The following ERLEC1 variants were observed in gnomAD, a reference collection of about 807,000 sequenced individuals.
ERLEC1 encodes the protein ER lectin.
A neutral mutation model predicts 68.0 loss-of-function variants in ERLEC1; 47 were observed. The observed-to-expected ratio is 0.69, with a 90% confidence interval of 0.55 to 0.88. The LOEUF is 0.88. Among genes scored for constraint, ERLEC1 ranks in the 40% least tolerant of loss-of-function variants. ERLEC1 has a pLI of 0.00. For synonymous variants in ERLEC1, 225 were observed against 203.2 expected (o/e 1.11, Z -0.91); for missense variants, 567 against 583.8 (o/e 0.97, Z 0.30).
At chr2:53,804,264 TG>T (rs1376116025) in intron 8 of ERLEC1, among the ~76,000 whole-genome samples, 1 of 152,142 alleles carries the variant, frequency 6.6e-6, no homozygotes, top group Non-Finnish European at 1.5e-5. Context: ...TTGTTGTTGT[TG>T]TTTTTGAGAC....
chr2:53,807,835 C>T (rs1182342054), intron 8 of ERLEC1, among the ~76,000 whole-genome samples: 1 of 150,344 alleles, frequency 6.7e-6, no homozygotes, highest in Non-Finnish European at 1.5e-5. Flanking sequence ...GAAAGCCCAT[C>T]TGTACTGAAA....
At position 53,794,406 on chromosome 2, in the gene ERLEC1, A is replaced by G; in HGVS notation, c.224A>G (p.Glu75Gly). Residue 75 changes from glutamate (E) to glycine (G), a missense_variant, in exon 2 of 14, where the codon GAA (glutamate) becomes GGA (glycine). Physicochemically the swap from Glu to Gly is moderately conservative, Grantham distance 98. Transcript: ENST00000185150. ...GTCATCATGACAACTGCACATAAAG[A>G]AAAATATAAATGCATACTTCCCCTT... ...NYVIMTTAHK[E>G]KYKCILPLVT... 6.3e-7 allele frequency: 1 copy of G among 1,590,378 alleles called. No homozygotes were observed. The highest frequency in any genetic ancestry group is 8.6e-7 in the Non-Finnish European group (1 of 1,165,706).
At chr2:53,794,585 T>A (rs1188473736) in intron 2 of ERLEC1, 136 bp downstream of exon 2, 1 of 531,908 alleles carries the variant, frequency 1.9e-6, no homozygotes, top group Non-Finnish European at 3.3e-6. Context: ...AGTAATCACT[T>A]TTAATATCCC....
chr2:53,792,471 T>C (rs1421873173), intron 1 of ERLEC1, among the ~76,000 whole-genome samples: 1 of 152,234 alleles, frequency 6.6e-6, no homozygotes, highest in East Asian at 1.9e-4. Flanking sequence ...CTGCTACTTC[T>C]AGGTTTTTTA....
intron 6 of ERLEC1, among the ~76,000 whole-genome samples, chr2:53,799,327 T>C (rs996000627): frequency 1.3e-5 from 2 of 152,196 alleles, no homozygotes; most frequent in Non-Finnish European, 2.9e-5. Flanking sequence ...CTGGGGAAGA[T>C]TCTGTAATAG....
intron 8 of ERLEC1, among the ~76,000 whole-genome samples, chr2:53,804,317 A>G (rs993096215): frequency 1.6e-4 from 25 of 151,870 alleles, no homozygotes; most frequent in Admixed American, 3.3e-4. Context: ...CTGTGGTGCA[A>G]TCTTGGCTCA....
chr2:53,800,350 A>G (rs541775192), intron 6 of ERLEC1, among the ~76,000 whole-genome samples: 2 of 152,234 alleles, frequency 1.3e-5, no homozygotes, highest in Non-Finnish European at 2.9e-5. Flanking sequence ...TATAAGGTCC[A>G]TTGTTGACCA....
intron 10 of ERLEC1, among the ~76,000 whole-genome samples, chr2:53,810,325 T>A (rs557638721): frequency 5.9e-5 from 9 of 152,102 alleles, no homozygotes; most frequent in Middle Eastern, 3.4e-3. Flanking sequence ...TTAAAAATTT[T>A]AAAAAAAGAA....
At chr2:53,792,081 T>A (rs961469899) in intron 1 of ERLEC1, among the ~76,000 whole-genome samples, 1 of 151,772 alleles carries the variant, frequency 6.6e-6, no homozygotes, top group African/African-American at 2.4e-5. Context: ...CCGGCTAAAT[T>A]TTTTTTGTAT....
chr2:53,807,871 C>A lies in ERLEC1; in HGVS notation c.880-428C>A, dbSNP rs559637726. The stretch of plus-strand genomic sequence containing the variant: ...ACAACAACAACAACAACAACAACAA[C>A]AAAAAATGCCAGGCGTGGTGGCAGG... On this transcript the variant is annotated intron_variant, in intron 8 of 13. Transcript: ENST00000185150. Among the ~76,000 whole-genome samples, 70 of 151,464 alleles carry A rather than the reference C, an allele frequency of 4.6e-4. No homozygotes were observed. The East Asian group carries it at 8.0e-3, about 17-fold the overall frequency.
chr2:53,806,626 G>A (rs114596300), intron 8 of ERLEC1, among the ~76,000 whole-genome samples: 395 of 152,176 alleles, frequency 2.6e-3, no homozygotes, highest in African/African-American at 8.8e-3. Context: ...CCTAATATTG[G>A]GAGGAAGAGA....
intron 2 of ERLEC1, among the ~76,000 whole-genome samples, 163 bp downstream of exon 2, chr2:53,794,612 G>T (rs1298836215): frequency 2.6e-5 from 4 of 151,930 alleles, no homozygotes; most frequent in Non-Finnish European, 4.4e-5. Flanking sequence ...CTTTGATTTT[G>T]CAGTTTATCT....
At position 53,818,289 on chromosome 2, in the gene ERLEC1, C is replaced by A; in HGVS notation, c.*320C>A. On this transcript the variant is annotated 3_prime_UTR_variant, in exon 14 of 14. Coordinates refer to ENST00000185150, the MANE Select transcript of ERLEC1 (RefSeq NM_015701.5). The stretch of plus-strand genomic sequence containing the variant: ...CTAATCAAATGTCATAATTGTTGTA[C>A]CTATTGAAAGTTTTTAAATAATAGA... The A allele has an allele frequency of 5.5e-6, 1 of 182,914 alleles. No individual in the cohort carries two copies. Among genetic ancestry groups the A allele is most frequent in the African/African-American group, 2.3e-5 (1 of 42,720 alleles). 11.3% of individuals were successfully genotyped at this position (182,914 alleles called of 1,614,324 possible). A position where few individuals can be genotyped will look rare whatever the true frequency, so the allele number is the denominator to read the frequency against.
chr2:53,787,429 C>T, intron 1 of ERLEC1, 57 bp downstream of exon 1: 2 of 1,533,766 alleles, frequency 1.3e-6, no homozygotes, highest in South Asian at 1.2e-5. Context: ...AGGGTTCGGC[C>T]TCTTCCCTCG....
At chr2:53,788,718 C>G (rs1364027089) in intron 1 of ERLEC1, 1 of 152,044 alleles carries the variant, frequency 6.6e-6, no homozygotes, top group African/African-American at 2.4e-5. Context: ...AAATATTTTT[C>G]TGGGACGTCA....
intron 11 of ERLEC1, among the ~76,000 whole-genome samples, chr2:53,813,412 T>A (rs1676694293): frequency 6.6e-6 from 1 of 152,208 alleles, no homozygotes; most frequent in Admixed American, 6.5e-5. Context: ...TAAAGGAGAA[T>A]GCCTGGCAAT....
chr2:53,792,836 A>T (rs1675482882), intron 1 of ERLEC1, among the ~76,000 whole-genome samples: 1 of 152,062 alleles, frequency 6.6e-6, no homozygotes, highest in African/African-American at 2.4e-5. Flanking sequence ...GGGCAAGAGG[A>T]TAAAACCCCT....
Position 53,814,845 on chromosome 2 carries a change from TGCTC to T in ERLEC1, c.1305-14_1305-11del. 1 of 1,586,516 alleles carries T rather than the reference TGCTC, an allele frequency of 6.3e-7. No homozygotes were observed. The highest frequency in any genetic ancestry group is 1.3e-5 in the African/African-American group (1 of 74,238). Reference sequence around the variant, plus strand: ...AAATGATTTGGACAGTACCTTAAAGTGCTCTCTGTTTTAGGTGCAAAGAATCAGA... The same window carrying T: ...AAATGATTTGGACAGTACCTTAAAGTTCTGTTTTAGGTGCAAAGAATCAGA... On this transcript the variant is annotated splice_polypyrimidine_tract_variant and intron_variant, in intron 12 of 13. Coordinates refer to ENST00000185150, the MANE Select transcript of ERLEC1 (RefSeq NM_015701.5).
intron 8 of ERLEC1, among the ~76,000 whole-genome samples, chr2:53,803,998 A>C (rs1676143330): frequency 6.6e-6 from 1 of 152,066 alleles, no homozygotes; most frequent in Non-Finnish European, 1.5e-5. Flanking sequence ...AGGCACGGTG[A>C]TACACACCTG....
Sources: allele counts gnomAD v4.1 joint callset (sites outside exome capture counted in the v4.1 genomes callset), GRCh38; gene constraint gnomAD v4.1.1; transcripts MANE v1.5; gene names NCBI Gene and HGNC (gene_info 2026-07-23, HGNC 2026-07-21).